SETBP1: variants seen among roughly 807,000 people sequenced by gnomAD.
SETBP1 encodes SET-binding protein.
Under a neutral mutation model 101.0 loss-of-function variants are expected in SETBP1, and 9 were observed. The observed-to-expected ratio is 0.09, with a 90% CI of 0.05 to 0.16. The LOEUF (loss-of-function observed/expected upper bound fraction) is 0.16. Among genes scored for constraint, SETBP1 ranks in the 10% least tolerant of loss-of-function variants. The pLI, the probability that SETBP1 is intolerant of heterozygous loss-of-function variation, is 1.00. For missense variants in SETBP1, 1,858 were observed against 2,033.8 expected, an observed-to-expected ratio of 0.91 and a Z score of 1.66; for synonymous variants, 818 against 788.5, an observed-to-expected ratio of 1.04 and a Z score of -0.63.
upstream of SETBP1, chr18:44,680,172 G>C (rs1375080757): frequency 2.8e-5 from 4 of 142,890 alleles, no homozygotes; most frequent in African/African-American, 1.0e-4. Context: ...AGTCGGGCGG[G>C]AAGCGCGGGG....
chr18:44,909,377 C>T (rs987322075), intron 3 of SETBP1, among the ~76,000 whole-genome samples: 46 of 152,156 alleles, frequency 3.0e-4, no homozygotes, highest in African/African-American at 1.1e-3. Flanking sequence ...TAGGTGTCTG[C>T]TCGGCTGTCA....
intron 2 of SETBP1, among the ~76,000 whole-genome samples, chr18:44,778,209 G>A (rs548538201): frequency 1.8e-4 from 27 of 152,260 alleles, no homozygotes; most frequent in South Asian, 8.3e-4. Context: ...GGTCCTGTTC[G>A]TCTGAGAGTC....
intron 3 of SETBP1, chr18:44,876,462 A>G: frequency 1.3e-6 from 1 of 773,476 alleles, no homozygotes; most frequent in Non-Finnish European, 2.1e-6. Flanking sequence ...ACAGGAATCC[A>G]GTCCTAACCC....
At chr18:44,896,584 C>T (rs995522463) in intron 3 of SETBP1, among the ~76,000 whole-genome samples, 2 of 152,142 alleles carry the variant, frequency 1.3e-5, no homozygotes, top group Non-Finnish European at 2.9e-5. Context: ...CCTCTGCCTC[C>T]TGGGTTCAAG....
At chr18:44,769,989 G>A (rs2070838774) in intron 2 of SETBP1, among the ~76,000 whole-genome samples, 2 of 152,180 alleles carry the variant, frequency 1.3e-5, no homozygotes, top group Non-Finnish European at 2.9e-5. Context: ...TCTAAAGAAA[G>A]CCCTAGGCTG....
chr18:44,863,457 C>T (rs1456877588), intron 2 of SETBP1, among the ~76,000 whole-genome samples: 2 of 152,176 alleles, frequency 1.3e-5, no homozygotes, highest in East Asian at 1.9e-4. Context: ...ATGTTTGCCT[C>T]GGCTTGCTGG....
intron 2 of SETBP1, among the ~76,000 whole-genome samples, chr18:44,842,117 G>A (rs1229319148): frequency 6.6e-6 from 1 of 152,208 alleles, no homozygotes; most frequent in Admixed American, 6.5e-5. Flanking sequence ...AGAAGAGAGC[G>A]AGGAAGTAGG....
intron 5 of SETBP1, among the ~76,000 whole-genome samples, chr18:45,045,192 G>A (rs1182084970): frequency 6.6e-6 from 1 of 152,150 alleles, no homozygotes; most frequent in Non-Finnish European, 1.5e-5. Flanking sequence ...GGGAAGCCAA[G>A]GCAGGTGGAT....
chr18:45,056,452 A>G (rs1443334789), intron 5 of SETBP1, among the ~76,000 whole-genome samples: 2 of 152,244 alleles, frequency 1.3e-5, no homozygotes, highest in East Asian at 3.8e-4. Context: ...AAGTAAGGGC[A>G]TGGCTGGAGT....
At chr18:44,927,825 G>C (rs1351202342) in intron 3 of SETBP1, among the ~76,000 whole-genome samples, 1 of 152,200 alleles carries the variant, frequency 6.6e-6, no homozygotes, top group African/African-American at 2.4e-5. Context: ...ACCCCTGTTA[G>C]TGGGTAACTG....
chr18:45,014,875 G>T (rs1351833492), intron 4 of SETBP1, among the ~76,000 whole-genome samples: 1 of 152,232 alleles, frequency 6.6e-6, no homozygotes, highest in Non-Finnish European at 1.5e-5. Flanking sequence ...ACATGAAAAG[G>T]TCTTAGAGAG....
chr18:44,945,672 G>C (rs1333462420), intron 3 of SETBP1, among the ~76,000 whole-genome samples: 1 of 152,160 alleles, frequency 6.6e-6, no homozygotes, highest in Admixed American at 6.5e-5. Context: ...GAATGTCATT[G>C]ACTGTTCCCT....
intron 2 of SETBP1, among the ~76,000 whole-genome samples, chr18:44,802,274 T>C (rs559906300): frequency 6.6e-6 from 1 of 152,306 alleles, no homozygotes; most frequent in Non-Finnish European, 1.5e-5. Flanking sequence ...TCTGGTTTCA[T>C]GGAAGAAAGA....
chr18:45,031,426 C>G (rs1302858356), intron 4 of SETBP1, among the ~76,000 whole-genome samples: 1 of 152,112 alleles, frequency 6.6e-6, no homozygotes, highest in African/African-American at 2.4e-5. Context: ...ACGTCATTAA[C>G]AGATGAAAAA....
At chr18:44,873,710 G>T (rs2069331667) in intron 3 of SETBP1, among the ~76,000 whole-genome samples, 1 of 152,104 alleles carries the variant, frequency 6.6e-6, no homozygotes, top group South Asian at 2.1e-4. Context: ...AAATTAAAGT[G>T]GGGCCAAATT....
At chr18:45,004,765 C>T (rs896459502) in intron 4 of SETBP1, among the ~76,000 whole-genome samples, 2 of 152,194 alleles carry the variant, frequency 1.3e-5, no homozygotes, top group Non-Finnish European at 2.9e-5. Context: ...AGCTTATTTC[C>T]CTCGGCTGCT....
chr18:44,957,802 C>A (rs918316838), intron 4 of SETBP1, among the ~76,000 whole-genome samples: 1 of 152,156 alleles, frequency 6.6e-6, no homozygotes, highest in African/African-American at 2.4e-5. Context: ...GTTTCAGGAT[C>A]ATTTCCTTAA....
At chr18:44,722,237 G>A (rs565748898) in intron 2 of SETBP1, among the ~76,000 whole-genome samples, 1 of 152,284 alleles carries the variant, frequency 6.6e-6, no homozygotes, top group South Asian at 2.1e-4. Context: ...CTCAGTAGGA[G>A]AGGAAGGAAT....
intron 2 of SETBP1, among the ~76,000 whole-genome samples, chr18:44,757,622 T>G (rs1409199133): frequency 6.6e-6 from 1 of 152,240 alleles, no homozygotes; most frequent in Non-Finnish European, 1.5e-5. Flanking sequence ...TGTGCCTCCC[T>G]ACTGTGTGCT....
Sources: allele counts gnomAD v4.1 joint callset (sites outside exome capture counted in the v4.1 genomes callset), GRCh38; gene constraint gnomAD v4.1.1; transcripts MANE v1.5; gene names NCBI Gene and HGNC (gene_info 2026-07-23, HGNC 2026-07-21).